The following CSMD2 variants were observed in gnomAD, a reference collection of about 807,000 sequenced individuals.
CSMD2 encodes CUB and sushi domain-containing protein 2.
CSMD2 carries 130 observed loss-of-function variants against 398.5 expected under a neutral mutation model. The observed-to-expected ratio is 0.33, with a 90% CI of 0.28 to 0.38. CSMD2 has a LOEUF of 0.38. Ranked by LOEUF, CSMD2 falls within the 10% of genes least tolerant of loss-of-function variation. The pLI is 1.00. For synonymous variants in CSMD2, 1,828 were observed against 1,908.5 expected, an observed-to-expected ratio of 0.96 and a Z score of 1.10; for missense variants, 3,829 against 4,764.9, an observed-to-expected ratio of 0.80 and a Z score of 5.78.
intron 3 of CSMD2, among the ~76,000 whole-genome samples, chr1:34,014,465 G>C (rs1360118216): frequency 6.6e-6 from 1 of 152,248 alleles, no homozygotes; most frequent in Non-Finnish European, 1.5e-5. Flanking sequence ...CTGTTCTCCA[G>C]ATATGCCAGG....
At chr1:34,093,032 T>G (rs1270568476) in intron 1 of CSMD2, among the ~76,000 whole-genome samples, 3 of 149,728 alleles carry the variant, frequency 2.0e-5, no homozygotes, top group Non-Finnish European at 4.4e-5. Flanking sequence ...AAGAGAGCAG[T>G]GGTTCTCCCA....
chr1:33,916,651 C>T (rs1181681680), intron 5 of CSMD2, among the ~76,000 whole-genome samples: 9 of 152,188 alleles, frequency 5.9e-5, no homozygotes, highest in Non-Finnish European at 5.9e-5. Context: ...GGTCTTCTGA[C>T]TCCCATGTCG....
chr1:33,991,850 T>C (rs1646563585), intron 3 of CSMD2, among the ~76,000 whole-genome samples: 1 of 149,862 alleles, frequency 6.7e-6, no homozygotes, highest in African/African-American at 2.5e-5. Flanking sequence ...ATACCAAGAA[T>C]ATATTAAGTG....
At position 33,600,707 on chromosome 1, in the gene CSMD2, A is replaced by G. The variant is rs546197310; in HGVS notation, c.6856+158T>C. Reference sequence around the variant, plus strand: ...TGCACTGAGAGCTCTCACATAGGCTAATACATTTAATTCTCATAACTCTGA... The same window carrying G: ...TGCACTGAGAGCTCTCACATAGGCTGATACATTTAATTCTCATAACTCTGA... On this transcript the variant is annotated intron_variant, in intron 44 of 70. Coordinates refer to ENST00000373381, the MANE Select transcript of CSMD2 (RefSeq NM_001281956.2). 26 of 700,514 alleles carry G rather than the reference A, an allele frequency of 3.7e-5. No individual in the cohort carries two copies. The East Asian group carries it at 6.5e-4, about 17-fold the overall frequency. The allele number at this position is 700,514 out of a possible 1,614,324, so 43.4% of individuals were successfully genotyped here.
intron 5 of CSMD2, among the ~76,000 whole-genome samples, chr1:33,910,942 T>C (rs1041521318): frequency 2.0e-5 from 3 of 152,258 alleles, no homozygotes; most frequent in African/African-American, 4.8e-5. Context: ...ACCCAAAGAA[T>C]CCTGGCTATT....
Position 33,700,506 on chromosome 1 carries a change from G to T in CSMD2, c.3733+11C>A. 1 of 1,613,992 alleles carries T rather than the reference G, an allele frequency of 6.2e-7. No homozygotes were observed. The highest frequency in any genetic ancestry group is 8.5e-7 in the Non-Finnish European group (1 of 1,179,922). ...GACTTCCTTGTCCACACAGATGCAA[G>T]AAAGACTTACTGGAAAAGTGCAGTT... On this transcript the variant is annotated intron_variant, in intron 23 of 70. Coordinates refer to ENST00000373381, the MANE Select transcript of CSMD2 (RefSeq NM_001281956.2).
At chr1:33,611,637 AAAAGACAAG>A (rs1220474307) in intron 40 of CSMD2, among the ~76,000 whole-genome samples, 1 of 151,256 alleles carries the variant, frequency 6.6e-6, no homozygotes, top group Non-Finnish European at 1.5e-5. Context: ...ATACTTAATC[AAAAGACAAG>A]ACCTTCAATA....
intron 25 of CSMD2, among the ~76,000 whole-genome samples, chr1:33,665,884 T>C (rs1267028377): frequency 6.6e-6 from 1 of 152,184 alleles, no homozygotes; most frequent in East Asian, 1.9e-4. Flanking sequence ...GTGTACCTAT[T>C]TGTAGACTAT....
intron 1 of CSMD2, among the ~76,000 whole-genome samples, chr1:34,098,275 A>C: frequency 1.0e-5 from 1 of 95,264 alleles, no homozygotes. Flanking sequence ...GGGTGGGGGG[A>C]GGGGGGAGGG....
intron 5 of CSMD2, among the ~76,000 whole-genome samples, chr1:33,887,114 C>G (rs1285942350): frequency 6.6e-6 from 1 of 151,960 alleles, no homozygotes; most frequent in Non-Finnish European, 1.5e-5. Context: ...AGGTCTGTTT[C>G]CTCGGACATT....
chr1:33,870,549 C>T (rs1213360676), intron 5 of CSMD2: 1 of 152,226 alleles, frequency 6.6e-6, no homozygotes, highest in Non-Finnish European at 1.5e-5. Flanking sequence ...AATGCTTTCT[C>T]TGTTCAGGCT....
intron 24 of CSMD2, 142 bp downstream of exon 24, chr1:33,698,611 T>C (rs1571261554): frequency 7.4e-6 from 5 of 671,496 alleles, no homozygotes; most frequent in Non-Finnish European, 9.8e-6. Flanking sequence ...AGGTGAACCA[T>C]GATGCCTGTT....
intron 4 of CSMD2, among the ~76,000 whole-genome samples, chr1:33,930,379 A>G (rs1558120623): frequency 6.6e-6 from 1 of 152,172 alleles, no homozygotes; most frequent in Non-Finnish European, 1.5e-5. Context: ...CATACCCGAC[A>G]CCACTGCTTC....
At chr1:33,714,094 G>A (rs1297678861) in intron 21 of CSMD2, among the ~76,000 whole-genome samples, 1 of 152,156 alleles carries the variant, frequency 6.6e-6, no homozygotes, top group Non-Finnish European at 1.5e-5. Flanking sequence ...CCTGCTGAAT[G>A]GATGAAGCCT....
Position 33,586,626 on chromosome 1 carries a change from GA to G in CSMD2, c.6938-10del, listed in dbSNP as rs778002195. 29 of 1,571,728 alleles carry G rather than the reference GA, an allele frequency of 1.8e-5. No homozygotes were observed. On this transcript the variant is annotated splice_polypyrimidine_tract_variant and intron_variant, in intron 45 of 70. Coordinates refer to ENST00000373381, the MANE Select transcript of CSMD2 (RefSeq NM_001281956.2). ...GTAGCGTACGATGTCACCTGTCAAA[GA>G]AAGACCAACATGTAGACCCTCTTAA...
intron 1 of CSMD2, among the ~76,000 whole-genome samples, chr1:34,112,298 A>G (rs1302115002): frequency 6.6e-6 from 1 of 152,050 alleles, no homozygotes; most frequent in Non-Finnish European, 1.5e-5. Context: ...TGCCATGGCC[A>G]TTTCCCCAGA....
At chr1:34,094,838 T>C (rs1049471368) in intron 1 of CSMD2, among the ~76,000 whole-genome samples, 9 of 150,562 alleles carry the variant, frequency 6.0e-5, no homozygotes, top group Admixed American at 6.6e-5. Flanking sequence ...CTGTCAACAT[T>C]AGACAGATCA....
chr1:33,516,796 C>T (rs1040410336), intron 70 of CSMD2, among the ~76,000 whole-genome samples: 7 of 152,048 alleles, frequency 4.6e-5, no homozygotes. Context: ...GTCTTTTTCC[C>T]TTGCAGGGCC....
At position 33,870,706 on chromosome 1, in the gene CSMD2, T is replaced by C. The variant is rs892068246; in HGVS notation, c.921-23710A>G. On this transcript the variant is annotated intron_variant, in intron 5 of 70. Coordinates refer to ENST00000373381, the MANE Select transcript of CSMD2 (RefSeq NM_001281956.2). ...GATATTCACCGTGGTAGGCAGTTTC[T>C]GAAATGGCTCCCAGTGATCTCCAAC... The C allele has an allele frequency of 2.6e-5, 4 of 152,234 alleles. No homozygotes were observed. The East Asian group carries it at 7.7e-4, about 29-fold the overall frequency. 9.4% of individuals were successfully genotyped at this position (152,234 alleles called of 1,614,324 possible).
Sources: allele counts gnomAD v4.1 joint callset (sites outside exome capture counted in the v4.1 genomes callset), GRCh38; gene constraint gnomAD v4.1.1; transcripts MANE v1.5; gene names NCBI Gene and HGNC (gene_info 2026-07-23, HGNC 2026-07-21).